Variants in TRPM6 observed in about 807,000 individuals in gnomAD.
TRPM6 encodes the protein transient receptor potential cation channel subfamily M member 6.
In TRPM6, 111 loss-of-function variants were observed where a neutral mutation model predicts 247.6. The ratio of observed to expected loss-of-function variants is 0.45; its 90% CI spans 0.38 to 0.52. The LOEUF is 0.52. Among genes scored for constraint, TRPM6 ranks in the 20% least tolerant of loss-of-function variants. The probability of loss-of-function intolerance (pLI) is 0.00; values close to 1 mark genes in which losing one functional copy is unlikely to be tolerated. For missense variants in TRPM6, 2,126 were observed against 2,421.5 expected (o/e 0.88, Z 2.56); for synonymous variants, 892 against 853.8 (o/e 1.04, Z -0.78).
chr9:74,808,843 G>A (rs757961590), intron 13 of TRPM6, among the ~76,000 whole-genome samples: 7 of 152,200 alleles, frequency 4.6e-5, no homozygotes, highest in Non-Finnish European at 1.0e-4. Context: ...ATGCAGCCAC[G>A]TTCTTCCTTG....
intron 31 of TRPM6, among the ~76,000 whole-genome samples, chr9:74,746,380 TG>T (rs1251782490): frequency 1.3e-5 from 2 of 152,302 alleles, no homozygotes; most frequent in East Asian, 3.9e-4. Context: ...CCTGAGGAAC[TG>T]GGAGGATAGA....
intron 11 of TRPM6, among the ~76,000 whole-genome samples, chr9:74,814,435 ATAAT>A (rs1230462267): frequency 1.3e-5 from 2 of 152,222 alleles, no homozygotes; most frequent in African/African-American, 4.8e-5. Context: ...ACATTTTAAA[ATAAT>A]TAAGTATTAT....
chr9:74,767,003 TG>T (rs1826849927), intron 25 of TRPM6, among the ~76,000 whole-genome samples: 1 of 152,144 alleles, frequency 6.6e-6, no homozygotes, highest in African/African-American at 2.4e-5. Context: ...CCATATTCAG[TG>T]GCATTGACCA....
In TRPM6 at chr9:74,775,927, C is replaced by G; in HGVS notation, c.3359G>C (p.Cys1120Ser). The change falls in exon 24 of 39, where the codon TGT (cysteine) becomes TCT (serine). Residue 1120 changes from cysteine to serine, a missense_variant. By Grantham distance (112) the Cys-to-Ser change is moderately radical (BLOSUM62 -1). Coordinates refer to ENST00000360774, the MANE Select transcript of TRPM6 (RefSeq NM_017662.5). ...HVGLLLRRLC[C>S]HRAPHDQEEG... ...TTCTTGGTCGTGAGGAGCTCGATGA[C>G]AGCACAGGCGGCGGAGGAGAAGGCC... The G allele has an allele frequency of 6.8e-6, 11 of 1,614,184 alleles. No individual in the cohort carries two copies. Among genetic ancestry groups the G allele is most frequent in the Non-Finnish European group, 9.3e-6 (11 of 1,180,046 alleles).
intron 28 of TRPM6, among the ~76,000 whole-genome samples, chr9:74,754,574 C>T (rs980943636): frequency 2.0e-5 from 3 of 152,180 alleles, no homozygotes; most frequent in African/African-American, 7.2e-5. Flanking sequence ...GGTTGAGAAC[C>T]ATTTACCATA....
chr9:74,882,982 G>A (rs919157484), intron 1 of TRPM6, among the ~76,000 whole-genome samples: 7 of 151,960 alleles, frequency 4.6e-5, no homozygotes, highest in East Asian at 1.9e-4. Flanking sequence ...TTTTCATCTC[G>A]AAAAACTGAA....
At chr9:74,768,989 A>G (rs897944315) in intron 25 of TRPM6, among the ~76,000 whole-genome samples, 6 of 152,330 alleles carry the variant, frequency 3.9e-5, no homozygotes, top group African/African-American at 1.4e-4. Flanking sequence ...TTTGTATTTA[A>G]AAAGAAATTA....
chr9:74,753,959 C>T (rs939351212), intron 28 of TRPM6, among the ~76,000 whole-genome samples: 1 of 151,992 alleles, frequency 6.6e-6, no homozygotes, highest in Non-Finnish European at 1.5e-5. Flanking sequence ...CAGAAACCTC[C>T]TGCCACTTGT....
intron 5 of TRPM6, 52 bp from the exon 6 acceptor site, chr9:74,834,174 C>G: frequency 6.2e-7 from 1 of 1,610,180 alleles, no homozygotes; most frequent in Non-Finnish European, 8.5e-7. Flanking sequence ...TCGTGCAAAA[C>G]AAAGAGACTG....
rs370805225 is a variant in TRPM6 at position 74,753,427 on chromosome 9, G to A, written c.4907-1059C>T. 7.1e-4 allele frequency among the ~76,000 whole-genome samples: 108 copies of A among 152,202 alleles called. 4 individuals are homozygous for A. In the South Asian group the frequency reaches 9.6e-3, roughly 13 times the overall value. On this transcript the variant is annotated intron_variant, in intron 28 of 38. Transcript: ENST00000360774. Reference sequence around the variant, plus strand: ...TATTTGAAGGCCAAGTGGAGTAGCCGGCTCATGCCTGTAATCCTAGCACTT... The same window carrying A: ...TATTTGAAGGCCAAGTGGAGTAGCCAGCTCATGCCTGTAATCCTAGCACTT...
chr9:74,842,124 A>G (rs530764572), intron 4 of TRPM6, 42 bp downstream of exon 4: 56 of 1,611,700 alleles, frequency 3.5e-5, no homozygotes, highest in South Asian at 1.2e-4. Flanking sequence ...AAAAAAAAAA[A>G]AAAGAAAGAA....
intron 1 of TRPM6, chr9:74,887,442 C>A (rs1831573153): frequency 1.8e-6 from 2 of 1,082,566 alleles, no homozygotes; most frequent in Non-Finnish European, 1.3e-6. Flanking sequence ...GCTCAAGCCA[C>A]CTCCGAACTC....
rs1049789434 is a variant in TRPM6, at chr9:74,762,236, T to A, written c.4435A>T (p.Thr1479Ser). The part of the protein sequence containing the change: ...KKKWQTCLPS[T>S]CDSDSSRSEQ... ...CTCCGAGAGGAATCACTGTCACAAG[T>A]GGAGGGCAAGCAGGTTTGCCACTTT... Residue 1479 changes from threonine (T) to serine (S), a missense_variant, in exon 26 of 39, where the codon ACT becomes TCT. Around this residue, in one of 3 missense-constraint regions of TRPM6, gnomAD observed 717 missense variants for 715.9 expected, o/e 1.00. Coordinates refer to ENST00000360774, the MANE Select transcript of TRPM6 (RefSeq NM_017662.5). 1.9e-6 allele frequency: 3 copies of A among 1,614,064 alleles called. No homozygotes were observed. The highest frequency in any genetic ancestry group is 2.5e-6 in the Non-Finnish European group (3 of 1,180,028).
In TRPM6 at chr9:74,782,372, CA is replaced by C; in HGVS notation, c.3198del (p.Ile1066MetfsTer9). 2 of 1,611,578 alleles carry C rather than the reference CA, an allele frequency of 1.2e-6. No individual in the cohort carries two copies. Among genetic ancestry groups the C allele is most frequent in the South Asian group, 2.2e-5 (2 of 90,964 alleles). On this transcript the variant is annotated frameshift_variant, in exon 23 of 39. Transcript: ENST00000360774. LOFTEE classifies it high-confidence loss of function. ...VQYIIMVNLL[I>X]AFFNNVYLDM... The stretch of plus-strand genomic sequence containing the variant: ...ATTGAAATAACCTACTTGAAGAAAG[CA>C]ATCAACAGGTTCACCATGATGATAT...
rs1296897359 is a variant in TRPM6 at position 74,860,342 on chromosome 9, T to A, written c.34-1594A>T. On this transcript the variant is annotated intron_variant, in intron 1 of 38. Coordinates refer to ENST00000360774, the MANE Select transcript of TRPM6 (RefSeq NM_017662.5). The stretch of plus-strand genomic sequence containing the variant: ...TGTAATTATTTATTTATTTATTTAT[T>A]TTTATTTTTTTATTTTTTTTGAGAC... Among the ~76,000 whole-genome samples, 6 of 152,076 alleles carry A rather than the reference T, an allele frequency of 3.9e-5. No homozygotes were observed. In the East Asian group the frequency reaches 1.2e-3, roughly 29 times the overall value.
chr9:74,861,316 C>G (rs1277017711), intron 1 of TRPM6, among the ~76,000 whole-genome samples: 2 of 152,110 alleles, frequency 1.3e-5, no homozygotes, highest in African/African-American at 2.4e-5. Flanking sequence ...AGTTCCTGCT[C>G]TCAAGGAAGT....
At position 74,800,565 on chromosome 9, in the gene TRPM6, A is replaced by AT. The variant is rs1216042359; in HGVS notation, c.2010-84dup. 4.3e-6 allele frequency: 4 copies of AT among 937,774 alleles called. No homozygotes were observed. In the African/African-American group the frequency reaches 6.5e-5, roughly 15 times the overall value. The allele number at this position is 937,774 out of a possible 1,614,324, so 58.1% of individuals were successfully genotyped here. A position where few individuals can be genotyped will look rare whatever the true frequency, so the allele number is the denominator to read the frequency against. ...GAAACATTTTAGAACATTTAGAAAC[A>AT]TTGTAAAAGATTGGATGTGAGGCTC... On this transcript the variant is annotated intron_variant, in intron 16 of 38. Transcript: ENST00000360774.
intron 35 of TRPM6, 23 bp from the exon 36 acceptor site, chr9:74,738,635 T>C (rs1360926641): frequency 6.2e-7 from 1 of 1,608,398 alleles, no homozygotes; most frequent in South Asian, 1.1e-5. Context: ...AAGAGGCCAT[T>C]GATCCCCCAC....
rs756564275 is a variant in TRPM6 at position 74,796,711 on chromosome 9, A to C, written c.2391+30T>G. ...TATTTGCGTGCAGTCAATACAATGAAAATTCAGTTCATTATGATTTTGCAC... is the reference window on the plus strand; with the variant it reads ...TATTTGCGTGCAGTCAATACAATGACAATTCAGTTCATTATGATTTTGCAC... On this transcript the variant is annotated intron_variant, in intron 18 of 38. Transcript: ENST00000360774. 8.7e-6 allele frequency: 14 copies of C among 1,611,766 alleles called. No individual in the cohort carries two copies. In the East Asian group the frequency reaches 1.8e-4, roughly 21 times the overall value.
Sources: gnomAD v4.1 joint callset for allele counts (sites outside exome capture counted in the v4.1 genomes callset) on GRCh38, gnomAD v4.1.1 for gene constraint, gnomAD v4.1.1 regional missense constraint, MANE v1.5 for transcripts, NCBI Gene and HGNC (gene_info 2026-07-23, HGNC 2026-07-21) for gene names.